ASXL3: variants seen among roughly 807,000 people sequenced by gnomAD.
ASXL3 encodes the protein ASXL transcriptional regulator 3, also known as putative Polycomb group protein ASXL3.
ASXL3 carries 34 observed loss-of-function variants against 170.6 expected under a neutral mutation model. The ratio of observed to expected loss-of-function variants is 0.20; its 90% CI spans 0.15 to 0.27. The LOEUF is 0.27. ASXL3 is among the 10% of genes least tolerant of loss of function. The probability of loss-of-function intolerance (pLI) is 1.00; values close to 1 mark genes in which losing one functional copy is unlikely to be tolerated. For synonymous variants in ASXL3, 1,002 were observed against 989.1 expected (o/e 1.01, Z -0.24); for missense variants, 2,592 against 2,695.3 (o/e 0.96, Z 0.85).
At chr18:33,687,011 T>C (rs1466560270) in intron 8 of ASXL3, among the ~76,000 whole-genome samples, 1 of 151,870 alleles carries the variant, frequency 6.6e-6, no homozygotes, top group Non-Finnish European at 1.5e-5. Context: ...GGTATTGGAG[T>C]TGGAAATGGA....
chr18:33,743,322 C>T lies in ASXL3; in HGVS notation c.3474C>T (p.Val1158=), dbSNP rs2067699074. 6.2e-7 allele frequency: 1 copy of T among 1,613,864 alleles called. No individual in the cohort carries two copies. The highest frequency in any genetic ancestry group is 2.2e-5 in the East Asian group (1 of 44,876). Residue 1158 remains valine, a synonymous_variant, in exon 12 of 12, where the codon GTC becomes GTT. Transcript: ENST00000269197. ...CAAAAATGGAAGGTTCGACTGGTGTCATTATTGTCAATCCAAACTGTAGAT... is the reference window on the plus strand; with the variant it reads ...CAAAAATGGAAGGTTCGACTGGTGTTATTATTGTCAATCCAAACTGTAGAT... The part of the protein sequence containing the change: ...PETKMEGSTG[V]IIVNPNCRSP...
intron 2 of ASXL3, among the ~76,000 whole-genome samples, chr18:33,613,434 A>T (rs2065369832): frequency 6.6e-6 from 1 of 152,124 alleles, no homozygotes; most frequent in African/African-American, 2.4e-5. Context: ...TAAGGAATCC[A>T]TAATCCAGGC....
At chr18:33,696,463 A>G (rs543204609) in intron 8 of ASXL3, among the ~76,000 whole-genome samples, 5 of 152,154 alleles carry the variant, frequency 3.3e-5, no homozygotes, top group Non-Finnish European at 7.3e-5. Context: ...ACCTAGGGGA[A>G]GAACGCCATC....
chr18:33,611,121 T>C (rs781587735), intron 2 of ASXL3, among the ~76,000 whole-genome samples: 3 of 152,136 alleles, frequency 2.0e-5, no homozygotes, highest in Non-Finnish European at 2.9e-5. Context: ...TTAAATATAA[T>C]TTTCATGTAG....
At chr18:33,713,263 T>G (rs1414786919) in intron 8 of ASXL3, among the ~76,000 whole-genome samples, 21 of 119,136 alleles carry the variant, frequency 1.8e-4, no homozygotes, top group African/African-American at 6.5e-4. Context: ...TTTTTTTTTT[T>G]TTTTTTTTTT....
At chr18:33,606,528 C>T (rs2065250866) in intron 1 of ASXL3, among the ~76,000 whole-genome samples, 1 of 151,962 alleles carries the variant, frequency 6.6e-6, no homozygotes, top group Non-Finnish European at 1.5e-5. Context: ...TAAGAGATCA[C>T]AGAGCCATTT....
intron 10 of ASXL3, among the ~76,000 whole-genome samples, chr18:33,736,744 T>C (rs4392137): frequency 0.4 from 60,680 of 151,974 alleles, 13,171 homozygotes; most frequent in East Asian, 0.81. Flanking sequence ...GCTTGTGAAC[T>C]TGTGTCTAGA....
chr18:33,728,927 C>T (rs2067395064), intron 8 of ASXL3, among the ~76,000 whole-genome samples: 1 of 152,104 alleles, frequency 6.6e-6, no homozygotes, highest in Non-Finnish European at 1.5e-5. Context: ...TCACAACTTT[C>T]CACCATCATG....
rs916042763 is a variant in ASXL3 at position 33,717,584 on chromosome 18, C to T, written c.880-14384C>T. Among the ~76,000 whole-genome samples the T allele has an allele frequency of 6.6e-5, 10 of 152,138 alleles. 1 individual carries two copies. Among genetic ancestry groups the T allele is most frequent in the Middle Eastern group, 3.4e-3 (1 of 294 alleles). On this transcript the variant is annotated intron_variant, in intron 8 of 11. Coordinates refer to ENST00000269197, the MANE Select transcript of ASXL3 (RefSeq NM_030632.3). ...CAGCTGTGAAGATAACAGAGCTGGG[C>T]TTAGTAGACCAATTTTCTAACTTGA...
At chr18:33,707,287 A>C (rs2066976171) in intron 8 of ASXL3, among the ~76,000 whole-genome samples, 1 of 151,962 alleles carries the variant, frequency 6.6e-6, no homozygotes, top group Non-Finnish European at 1.5e-5. Context: ...GATTGCATCT[A>C]ATATATAGAA....
At chr18:33,587,732 C>G (rs900942619) in intron 1 of ASXL3, among the ~76,000 whole-genome samples, 1 of 151,738 alleles carries the variant, frequency 6.6e-6, no homozygotes, top group South Asian at 2.1e-4. Context: ...AAAAGCCACC[C>G]TTTTGAAGCA....
intron 8 of ASXL3, among the ~76,000 whole-genome samples, chr18:33,729,473 C>T (rs781175075): frequency 5.9e-5 from 9 of 152,128 alleles, no homozygotes; most frequent in Non-Finnish European, 1.3e-4. Flanking sequence ...TTGCTCTGTA[C>T]TCATGTAGCC....
At chr18:33,633,992 A>T (rs2065726891) in intron 2 of ASXL3, among the ~76,000 whole-genome samples, 1 of 152,200 alleles carries the variant, frequency 6.6e-6, no homozygotes, top group South Asian at 2.1e-4. Context: ...AGTTGAATAT[A>T]TGCATATATA....
intron 3 of ASXL3, among the ~76,000 whole-genome samples, chr18:33,646,032 A>G (rs1438055236): frequency 4.6e-5 from 7 of 151,954 alleles, no homozygotes. Flanking sequence ...TATAGATTTT[A>G]AAAATTTATC....
At chr18:33,676,414 C>T (rs2066431696) in intron 7 of ASXL3, among the ~76,000 whole-genome samples, 1 of 151,672 alleles carries the variant, frequency 6.6e-6, no homozygotes, top group Non-Finnish European at 1.5e-5. Context: ...TCTGAGTAGC[C>T]CACTGATTGA....
rs2067792862 is a variant in ASXL3 at position 33,746,328 on chromosome 18, TAGCACG to T, written c.6483_6488del (p.Thr2162_Ser2163del). 1.2e-6 allele frequency: 2 copies of T among 1,614,002 alleles called. No homozygotes were observed. ...GAAATTATCCAACAATACACTTTGG[TAGCACG>T]AGTTTCAAAAGGGCAGCATCTGCAA... On this transcript the variant is annotated inframe_deletion, in exon 12 of 12. Coordinates refer to ENST00000269197, the MANE Select transcript of ASXL3 (RefSeq NM_030632.3).
chr18:33,682,720 A>T (rs191870428), intron 7 of ASXL3, among the ~76,000 whole-genome samples: 16 of 152,208 alleles, frequency 1.1e-4, no homozygotes, highest in African/African-American at 3.6e-4. Context: ...CTAATTAAAA[A>T]AAATTTTTGT....
intron 2 of ASXL3, among the ~76,000 whole-genome samples, chr18:33,624,731 G>A (rs1463150626): frequency 6.6e-6 from 1 of 152,154 alleles, no homozygotes; most frequent in Non-Finnish European, 1.5e-5. Context: ...GAAATTTGGA[G>A]AAGAGACTTT....
rs1348922129 is a variant in ASXL3, at chr18:33,743,707, G to A, written c.3859G>A (p.Gly1287Arg). 4 of 1,613,714 alleles carry A rather than the reference G, an allele frequency of 2.5e-6. No homozygotes were observed. The Admixed American group carries it at 5.0e-5, about 20-fold the overall frequency. Reference sequence around the variant, plus strand: ...TATAAGCATGTTAAAAACCATCCAGGGAACTGACACTCCATGCATAGCCAT... The same window carrying A: ...TATAAGCATGTTAAAAACCATCCAGAGAACTGACACTCCATGCATAGCCAT... ...CNISMLKTIQ[G>R]TDTPCIAIIP... The change falls in exon 12 of 12, where the codon GGA (glycine) becomes AGA (arginine). Residue 1287 changes from glycine to arginine, a missense_variant. Coordinates refer to ENST00000269197, the MANE Select transcript of ASXL3 (RefSeq NM_030632.3).
Sources: allele counts gnomAD v4.1 joint callset (sites outside exome capture counted in the v4.1 genomes callset), GRCh38; gene constraint gnomAD v4.1.1; transcripts MANE v1.5; gene names NCBI Gene and HGNC (gene_info 2026-07-23, HGNC 2026-07-21).